CNTNAP2: variants seen among roughly 807,000 people sequenced by gnomAD.
CNTNAP2 encodes contactin associated protein 2, also known as contactin-associated protein-like 2.
In CNTNAP2, 98 loss-of-function variants were observed where a neutral mutation model predicts 155.2. That is an observed-to-expected ratio of 0.63 (90% CI 0.54 to 0.75). The LOEUF (loss-of-function observed/expected upper bound fraction) is 0.75. Ranked by LOEUF, CNTNAP2 falls within the 30% of genes least tolerant of loss-of-function variation. CNTNAP2 has a pLI of 0.00. For missense variants in CNTNAP2, 1,727 were observed against 1,688.1 expected, an observed-to-expected ratio of 1.02 and a Z score of -0.40; for synonymous variants, 651 against 631.2, an observed-to-expected ratio of 1.03 and a Z score of -0.47.
chr7:146,266,559 T>A (rs1799997125), intron 1 of CNTNAP2, among the ~76,000 whole-genome samples: 1 of 152,148 alleles, frequency 6.6e-6, no homozygotes, highest in African/African-American at 2.4e-5. Context: ...CACCAAAAAT[T>A]GTTTTTGTTA....
At chr7:146,769,146 T>C (rs940435321) in intron 1 of CNTNAP2, among the ~76,000 whole-genome samples, 1 of 152,226 alleles carries the variant, frequency 6.6e-6, no homozygotes, top group Non-Finnish European at 1.5e-5. Flanking sequence ...CTAATTTTCA[T>C]CCAAGATTCC....
At chr7:146,911,774 T>C (rs1053746109) in intron 3 of CNTNAP2, among the ~76,000 whole-genome samples, 46 of 151,922 alleles carry the variant, frequency 3.0e-4, no homozygotes, top group Admixed American at 6.6e-4. Flanking sequence ...ACCTGCACAA[T>C]GTGCACATGT....
intron 1 of CNTNAP2, among the ~76,000 whole-genome samples, chr7:146,650,576 G>A (rs1399259751): frequency 6.6e-6 from 1 of 152,032 alleles, no homozygotes; most frequent in African/African-American, 2.4e-5. Flanking sequence ...AGCATTAGGA[G>A]AAATACCTAA....
intron 13 of CNTNAP2, among the ~76,000 whole-genome samples, chr7:147,848,932 G>A (rs969571773): frequency 6.6e-6 from 1 of 151,968 alleles, no homozygotes; most frequent in Non-Finnish European, 1.5e-5. Flanking sequence ...TGAGATCAGA[G>A]TCGGAAAAGC....
intron 8 of CNTNAP2, among the ~76,000 whole-genome samples, chr7:147,162,810 TCTTA>T (rs145108784): frequency 1.2e-4 from 19 of 152,308 alleles, no homozygotes; most frequent in East Asian, 7.7e-4. Flanking sequence ...CCACCCACTC[TCTTA>T]CTTAAGTATA....
At chr7:146,120,877 G>C (rs56344412) in intron 1 of CNTNAP2, among the ~76,000 whole-genome samples, 3 of 151,858 alleles carry the variant, frequency 2.0e-5, no homozygotes, top group African/African-American at 7.3e-5. Flanking sequence ...AGGCTACACT[G>C]TCTAGGTTTG....
chr7:146,597,661 C>T (rs184721178), intron 1 of CNTNAP2, among the ~76,000 whole-genome samples: 8 of 151,958 alleles, frequency 5.3e-5, no homozygotes, highest in Admixed American at 1.3e-4. Flanking sequence ...ATTTTGACTC[C>T]GACATTATGG....
chr7:146,369,357 A>G (rs1219286351), intron 1 of CNTNAP2, among the ~76,000 whole-genome samples: 2 of 152,070 alleles, frequency 1.3e-5, no homozygotes, highest in Non-Finnish European at 2.9e-5. Context: ...TGTTTCGTAC[A>G]ATAATTCAAG....
intron 1 of CNTNAP2, among the ~76,000 whole-genome samples, chr7:146,209,245 G>T (rs1312838826): frequency 1.3e-5 from 2 of 152,120 alleles, no homozygotes; most frequent in Admixed American, 6.5e-5. Flanking sequence ...TGAGAGACAG[G>T]TAGGCTACCT....
intron 5 of CNTNAP2, among the ~76,000 whole-genome samples, chr7:147,116,761 G>A (rs953619240): frequency 1.1e-4 from 16 of 152,152 alleles, no homozygotes; most frequent in Admixed American, 7.2e-4. Context: ...ATGCAGGCAG[G>A]TGTGGTTGGA....
chr7:147,820,274 A>G (rs566351121), intron 13 of CNTNAP2, among the ~76,000 whole-genome samples: 3 of 151,760 alleles, frequency 2.0e-5, no homozygotes, highest in African/African-American at 7.2e-5. Context: ...GCACTGTTTT[A>G]TTTGCTTATT....
intron 1 of CNTNAP2, among the ~76,000 whole-genome samples, chr7:146,549,213 G>C (rs946968683): frequency 1.3e-5 from 2 of 151,868 alleles, no homozygotes; most frequent in Non-Finnish European, 2.9e-5. Context: ...AGGATGAACA[G>C]TTTAAATTAC....
chr7:148,062,275 A>C (rs1285304348), intron 15 of CNTNAP2, among the ~76,000 whole-genome samples: 2 of 152,240 alleles, frequency 1.3e-5, no homozygotes, highest in East Asian at 3.9e-4. Context: ...GGTAACAAAG[A>C]CTTCAAAAAC....
chr7:146,330,003 A>C (rs1426782189), intron 1 of CNTNAP2, among the ~76,000 whole-genome samples: 2 of 146,062 alleles, frequency 1.4e-5, no homozygotes, highest in African/African-American at 5.4e-5. Flanking sequence ...TTGATTCAAC[A>C]AGTACTTTCT....
chr7:146,838,709 T>C (rs541842951), intron 2 of CNTNAP2, among the ~76,000 whole-genome samples: 207 of 152,348 alleles, frequency 1.4e-3, no homozygotes, highest in Non-Finnish European at 2.3e-3. Flanking sequence ...CCATTATTAT[T>C]TGAATATCTG....
chr7:147,101,762 G>C (rs148442854), intron 4 of CNTNAP2, among the ~76,000 whole-genome samples: 1 of 152,010 alleles, frequency 6.6e-6, no homozygotes, highest in South Asian at 2.1e-4. Flanking sequence ...ATGTACAGAC[G>C]CTTCCTCTCT....
At chr7:147,176,708 T>C (rs1584773317) in intron 8 of CNTNAP2, among the ~76,000 whole-genome samples, 2 of 129,950 alleles carry the variant, frequency 1.5e-5, no homozygotes, top group Admixed American at 1.8e-4. Flanking sequence ...ATATTATATA[T>C]AATAGAATTA....
At chr7:148,340,910 T>C (rs1246329731) in intron 21 of CNTNAP2, among the ~76,000 whole-genome samples, 1 of 152,242 alleles carries the variant, frequency 6.6e-6, no homozygotes, top group African/African-American at 2.4e-5. Context: ...AAATTATTTG[T>C]AATGTTACAA....
rs139473483 is a variant in CNTNAP2, at chr7:146,949,068, C to T, written c.403-94839C>T. 1.2e-4 allele frequency among the ~76,000 whole-genome samples: 19 copies of T among 152,264 alleles called. No individual in the cohort carries two copies. The East Asian group carries it at 3.5e-3, about 28-fold the overall frequency. ...ATGAGAAGACACTGCAAGAGCTCCTCCCAGGGCCTTTAACCGACTGTGTAA... is the reference window on the plus strand; with the variant it reads ...ATGAGAAGACACTGCAAGAGCTCCTTCCAGGGCCTTTAACCGACTGTGTAA... On this transcript the variant is annotated intron_variant, in intron 3 of 23. Coordinates refer to ENST00000361727, the MANE Select transcript of CNTNAP2 (RefSeq NM_014141.6).
Sources: gnomAD v4.1 joint callset for allele counts (sites outside exome capture counted in the v4.1 genomes callset) on GRCh38, gnomAD v4.1.1 for gene constraint, MANE v1.5 for transcripts, NCBI Gene and HGNC (gene_info 2026-07-23, HGNC 2026-07-21) for gene names.